The following ANO2 variants were observed in gnomAD, a reference collection of about 807,000 sequenced individuals.
ANO2 encodes the protein anoctamin 2.
In ANO2, 101 loss-of-function variants were observed where a neutral mutation model predicts 124.2. That is an observed-to-expected ratio of 0.81 (90% CI 0.69 to 0.96). ANO2 has a LOEUF of 0.96. Among genes scored for constraint, ANO2 ranks in the 40% least tolerant of loss-of-function variants. The pLI is 0.00. For synonymous variants in ANO2, 486 were observed against 482.5 expected (o/e 1.01, Z -0.09); for missense variants, 1,293 against 1,274.5 (o/e 1.01, Z -0.22).
intron 19 of ANO2, among the ~76,000 whole-genome samples, chr12:5,601,175 G>T (rs897606573): frequency 2.6e-5 from 4 of 151,984 alleles, no homozygotes; most frequent in Non-Finnish European, 4.4e-5. Context: ...ATATTAACTT[G>T]CCCACAGGGT....
intron 4 of ANO2, among the ~76,000 whole-genome samples, chr12:5,843,752 T>C (rs901255566): frequency 3.3e-5 from 5 of 152,130 alleles, no homozygotes; most frequent in Non-Finnish European, 7.4e-5. Context: ...AAACATCTCT[T>C]ATCATCCTGA....
rs1953076915 is a variant in ANO2 at position 5,802,647 on chromosome 12, C to G, written c.991-3076G>C. Among the ~76,000 whole-genome samples, 5 of 152,238 alleles carry G rather than the reference C, an allele frequency of 3.3e-5. No individual in the cohort carries two copies. The South Asian group carries it at 1.0e-3, about 32-fold the overall frequency. The stretch of plus-strand genomic sequence containing the variant: ...TGGAGTCCTGCCCCATATGGACCAG[C>G]ATGGTGTGAGTAAAGCACAGACACG... On this transcript the variant is annotated intron_variant, in intron 9 of 24. Coordinates refer to ENST00000682330, the MANE Select transcript of ANO2 (RefSeq NM_001364791.2).
chr12:5,585,150 C>T (rs890882002), intron 20 of ANO2, among the ~76,000 whole-genome samples: 1 of 151,872 alleles, frequency 6.6e-6, no homozygotes, highest in African/African-American at 2.4e-5. Context: ...CATCACTGGG[C>T]TCCACGTGAA....
intron 16 of ANO2, among the ~76,000 whole-genome samples, chr12:5,626,448 C>T (rs543472272): frequency 2.6e-4 from 39 of 152,104 alleles, no homozygotes; most frequent in African/African-American, 4.6e-4. Flanking sequence ...GCCTGGAGTA[C>T]GGAGGGGCCA....
At chr12:5,711,320 G>A (rs1949808783) in intron 14 of ANO2, among the ~76,000 whole-genome samples, 1 of 152,024 alleles carries the variant, frequency 6.6e-6, no homozygotes, top group African/African-American at 2.4e-5. Context: ...AAAGAGACTG[G>A]GACCTCCCTC....
chr12:5,807,359 G>A lies in ANO2; in HGVS notation c.902C>T (p.Ser301Phe). Residue 301 changes from serine to phenylalanine, a missense_variant, in exon 8 of 25, where the codon TCT (serine) becomes TTT (phenylalanine). By Grantham distance (155) the Ser-to-Phe change is radical (BLOSUM62 -2). Transcript: ENST00000682330. ...SRANNTMGIN[S>F]LIANNIYEAA... is the part of the protein sequence containing the mutation. ...CTCATAGATATTGTTTGCGATCAGA[G>A]AGTTAATACCTACGGAAGAAAGGGA... 2 of 1,556,570 alleles carry A rather than the reference G, an allele frequency of 1.3e-6. No individual in the cohort carries two copies. Among genetic ancestry groups the A allele is most frequent in the Admixed American group, 1.9e-5 (1 of 51,532 alleles).
Position 5,575,998 on chromosome 12 carries a change from G to A in ANO2, c.2457C>T (p.Ile819=). The A allele has an allele frequency of 1.2e-6, 2 of 1,607,434 alleles. No homozygotes were observed. The highest frequency in any genetic ancestry group is 1.7e-6 in the Non-Finnish European group (2 of 1,176,710). Residue 819 remains isoleucine, a synonymous_variant, in exon 23 of 25, where the codon ATC becomes ATT. Transcript: ENST00000682330. ...SVISNAFVIA[I]TSDFIPRLVY... Reference sequence around the variant, plus strand: ...CCAGGCGGGGGATAAAGTCGGAGGTGATCGCAATGACAAAAGCCTGAGGGA... The same window carrying A: ...CCAGGCGGGGGATAAAGTCGGAGGTAATCGCAATGACAAAAGCCTGAGGGA...
intron 10 of ANO2, among the ~76,000 whole-genome samples, chr12:5,785,430 C>A (rs756937381): frequency 1.3e-5 from 2 of 152,126 alleles, no homozygotes; most frequent in Non-Finnish European, 2.9e-5. Flanking sequence ...GTGTCTCATC[C>A]TTCTTCACTG....
chr12:5,798,512 G>A (rs1398965227), intron 10 of ANO2, among the ~76,000 whole-genome samples: 1 of 152,126 alleles, frequency 6.6e-6, no homozygotes, highest in African/African-American at 2.4e-5. Context: ...CCAGCCCAGG[G>A]CAACCAGCCA....
At chr12:5,743,525 A>G (rs1009978410) in intron 12 of ANO2, among the ~76,000 whole-genome samples, 1 of 151,796 alleles carries the variant, frequency 6.6e-6, no homozygotes, top group Non-Finnish European at 1.5e-5. Context: ...TCAGCTACCT[A>G]TGGCTCAGAA....
intron 7 of ANO2, among the ~76,000 whole-genome samples, chr12:5,807,648 A>G (rs868865966): frequency 6.6e-6 from 1 of 152,182 alleles, no homozygotes; most frequent in Non-Finnish European, 1.5e-5. Flanking sequence ...TTCCATTCCA[A>G]TAACCTTCCA....
At chr12:5,802,811 C>T (rs1953081617) in intron 9 of ANO2, among the ~76,000 whole-genome samples, 1 of 152,218 alleles carries the variant, frequency 6.6e-6, no homozygotes, top group South Asian at 2.1e-4. Flanking sequence ...GAGACTACTG[C>T]TCCTTCTTAA....
At chr12:5,918,908 C>A (rs1941534966) in intron 3 of ANO2, among the ~76,000 whole-genome samples, 1 of 152,088 alleles carries the variant, frequency 6.6e-6, no homozygotes, top group African/African-American at 2.4e-5. Flanking sequence ...AAGTATAATC[C>A]AGCAAGGCAT....
chr12:5,812,316 G>A (rs1373840818), intron 7 of ANO2, among the ~76,000 whole-genome samples: 4 of 112,146 alleles, frequency 3.6e-5, no homozygotes, highest in African/African-American at 1.3e-4. Context: ...AGGAAGGAAG[G>A]AAGGGAGGGA....
chr12:5,702,496 G>A (rs1949442014), intron 14 of ANO2, among the ~76,000 whole-genome samples: 1 of 151,372 alleles, frequency 6.6e-6, no homozygotes, highest in African/African-American at 2.4e-5. Flanking sequence ...ACAGCAAAAT[G>A]AGCAAAAGAG....
At chr12:5,684,338 C>A (rs1948619708) in intron 14 of ANO2, among the ~76,000 whole-genome samples, 1 of 152,234 alleles carries the variant, frequency 6.6e-6, no homozygotes. Context: ...CTGCCATGGG[C>A]TTGACACAGG....
intron 14 of ANO2, among the ~76,000 whole-genome samples, chr12:5,657,441 C>T (rs966629601): frequency 6.0e-5 from 9 of 150,924 alleles, no homozygotes; most frequent in Admixed American, 3.3e-4. Flanking sequence ...TGAGAAACAG[C>T]GAAACTCCAG....
chr12:5,929,858 A>T (rs28599593), intron 1 of ANO2, among the ~76,000 whole-genome samples: 836 of 30,934 alleles, frequency 0.027, 4 homozygotes, highest in African/African-American at 0.066. Flanking sequence ...TTCTTTCCTC[A>T]CTCGTCTGCC....
At position 5,659,610 on chromosome 12, in the gene ANO2, C is replaced by T. The variant is rs552441231; in HGVS notation, c.1546-11809G>A. On this transcript the variant is annotated intron_variant, in intron 14 of 24. Coordinates refer to ENST00000682330, the MANE Select transcript of ANO2 (RefSeq NM_001364791.2). ...GGACAGAACGCAGTGTAATTTGTGG[C>T]TAAAATGGAAAACATTTTTTCTTCC... is the stretch of plus-strand genomic sequence containing the variant. Among the ~76,000 whole-genome samples the T allele has an allele frequency of 2.6e-5, 4 of 152,356 alleles. No homozygotes were observed. The East Asian group carries it at 7.7e-4, about 29-fold the overall frequency.
Sources: gnomAD v4.1 joint callset for allele counts (sites outside exome capture counted in the v4.1 genomes callset) on GRCh38, gnomAD v4.1.1 for gene constraint, MANE v1.5 for transcripts, NCBI Gene and HGNC (gene_info 2026-07-23, HGNC 2026-07-21) for gene names.